Variants in DROSHA observed in about 807,000 individuals in gnomAD.
DROSHA encodes the protein drosha ribonuclease III, also known as ribonuclease 3.
Under a neutral mutation model 181.9 loss-of-function variants are expected in DROSHA, and 56 were observed. The ratio of observed to expected loss-of-function variants is 0.31; its 90% CI spans 0.25 to 0.38. The LOEUF (loss-of-function observed/expected upper bound fraction) is 0.38, where lower values mean the gene tolerates loss of function less well. Ranked by LOEUF, DROSHA falls within the 10% of genes least tolerant of loss-of-function variation. DROSHA has a pLI of 1.00. For synonymous variants in DROSHA, 524 were observed against 591.2 expected, an observed-to-expected ratio of 0.89 and a Z score of 1.65; for missense variants, 1,218 against 1,743.5, an observed-to-expected ratio of 0.70 and a Z score of 5.37.
At chr5:31,525,329 CAAAAAAA>C (rs34043904) in intron 5 of DROSHA, among the ~76,000 whole-genome samples, 6 of 46,056 alleles carry the variant, frequency 1.3e-4, no homozygotes, top group East Asian at 8.8e-4. Context: ...GACTTCATCT[CAAAAAAA>C]AAAAAAAAAA....
chr5:31,449,332 G>A lies in DROSHA; in HGVS notation c.2770C>T (p.Gln924Ter). ...ACTTTTCTGTCTCCGTATTTGGGCTGCCGAATTCCACAGTTAGATAATGAA... is the reference window on the plus strand; with the variant it reads ...ACTTTTCTGTCTCCGTATTTGGGCTACCGAATTCCACAGTTAGATAATGAA... ...RNSLSNCGIR[Q>*]PKYGDRKVHH... Residue 924 changes from glutamine (Q) to a stop codon, truncating the protein, a stop_gained, in exon 22 of 36, where the codon CAG (glutamine) becomes TAG (stop). Transcript: ENST00000344624. LOFTEE classifies it high-confidence loss of function. 1 of 1,613,536 alleles carries A rather than the reference G, an allele frequency of 6.2e-7. No individual in the cohort carries two copies. Among genetic ancestry groups the A allele is most frequent in the Non-Finnish European group, 8.5e-7 (1 of 1,179,754 alleles).
intron 20 of DROSHA, among the ~76,000 whole-genome samples, chr5:31,452,766 A>C (rs1252913643): frequency 6.6e-6 from 1 of 152,234 alleles, no homozygotes; most frequent in Non-Finnish European, 1.5e-5. Flanking sequence ...TTGCCAGTTC[A>C]ATTCAGTAAG....
chr5:31,463,772 A>G (rs1045062807), intron 20 of DROSHA, among the ~76,000 whole-genome samples: 2 of 152,208 alleles, frequency 1.3e-5, no homozygotes, highest in Non-Finnish European at 2.9e-5. Context: ...TGAAGTATAC[A>G]CTGATTCTGT....
At chr5:31,497,189 C>T (rs1289562818) in intron 11 of DROSHA, among the ~76,000 whole-genome samples, 3 of 147,706 alleles carry the variant, frequency 2.0e-5, no homozygotes, top group South Asian at 2.3e-4. Context: ...GGAGAAGCTG[C>T]GCAGTCCCAT....
chr5:31,407,976 T>TC (rs1212824657), intron 33 of DROSHA, among the ~76,000 whole-genome samples: 1 of 152,130 alleles, frequency 6.6e-6, no homozygotes, highest in Non-Finnish European at 1.5e-5. Flanking sequence ...GGGGCTTTTT[T>TC]CCCCCAATAA....
chr5:31,445,447 G>A (rs771337717), intron 23 of DROSHA, among the ~76,000 whole-genome samples: 4 of 152,220 alleles, frequency 2.6e-5, no homozygotes, highest in South Asian at 2.1e-4. Context: ...TTTCCAACTC[G>A]TTATATGAGG....
At chr5:31,476,611 T>C (rs1400596636) in intron 16 of DROSHA, among the ~76,000 whole-genome samples, 1 of 152,148 alleles carries the variant, frequency 6.6e-6, no homozygotes, top group Non-Finnish European at 1.5e-5. Context: ...GAGATTTTAT[T>C]TACCACTGTA....
intron 20 of DROSHA, among the ~76,000 whole-genome samples, chr5:31,453,610 C>A (rs1042576963): frequency 1.3e-5 from 2 of 152,186 alleles, no homozygotes; most frequent in African/African-American, 4.8e-5. Flanking sequence ...AGGCTTTCCA[C>A]ATCTTGTTTT....
At chr5:31,405,764 A>ATTAT in intron 34 of DROSHA, 41 bp from the exon 35 acceptor site, 5 of 544,920 alleles carry the variant, frequency 9.2e-6, no homozygotes, top group Non-Finnish European at 1.4e-5. Flanking sequence ...TAATTTCAAG[A>ATTAT]TTCTTTTTTT....
intron 11 of DROSHA, among the ~76,000 whole-genome samples, chr5:31,496,846 T>C (rs1753043855): frequency 6.6e-6 from 1 of 152,266 alleles, no homozygotes; most frequent in South Asian, 2.1e-4. Flanking sequence ...CAGTGACAAC[T>C]TTCTCACTGA....
chr5:31,471,780 T>C (rs1749758421), intron 17 of DROSHA, among the ~76,000 whole-genome samples: 1 of 152,178 alleles, frequency 6.6e-6, no homozygotes, highest in African/African-American at 2.4e-5. Context: ...AGAGTACAAA[T>C]TTTACAGCCC....
chr5:31,467,720 A>T (rs1749244090), intron 18 of DROSHA: 2 of 429,356 alleles, frequency 4.7e-6, no homozygotes, highest in African/African-American at 2.0e-5. Flanking sequence ...TGCCAAAAAT[A>T]TTCTATTGAA....
rs1741031437 is a variant in DROSHA, at chr5:31,529,735, A to C, written c.-46-630T>G. 2.1e-5 allele frequency among the ~76,000 whole-genome samples: 2 copies of C among 95,862 alleles called. 1 individual carries two copies. Among genetic ancestry groups the C allele is most frequent in the African/African-American group, 8.7e-5 (2 of 23,032 alleles). 62.9% of individuals were successfully genotyped at this position (95,862 alleles called of 152,430 possible). A position where few individuals can be genotyped will look rare whatever the true frequency, so the allele number is the denominator to read the frequency against. ...GGGCGACAGTCTCAAAAAAACAAAC[A>C]AAAAAAAAAAAACAAAAAAAAAAAC... is the stretch of plus-strand genomic sequence containing the variant. On this transcript the variant is annotated intron_variant, in intron 3 of 35. Transcript: ENST00000344624.
chr5:31,453,412 G>T lies in DROSHA; in HGVS notation c.2575-1772C>A, dbSNP rs183840833. On this transcript the variant is annotated intron_variant, in intron 20 of 35. Coordinates refer to ENST00000344624, the MANE Select transcript of DROSHA (RefSeq NM_001382508.1). ...AAATGAGGTTTCGCCATGTTGCCCA[G>T]GTTGGTCTTAAACTCCTGGGCTCAA... is the stretch of plus-strand genomic sequence containing the variant. Among the ~76,000 whole-genome samples, 376 of 152,218 alleles carry T rather than the reference G, an allele frequency of 2.5e-3. 1 individual carries two copies. Among genetic ancestry groups the T allele is most frequent in the African/African-American group, 8.7e-3 (361 of 41,540 alleles).
intron 8 of DROSHA, among the ~76,000 whole-genome samples, chr5:31,511,556 A>G (rs1013329057): frequency 6.6e-6 from 1 of 152,096 alleles, no homozygotes; most frequent in African/African-American, 2.4e-5. Context: ...AAAGAAAAAA[A>G]TTAGCCAGGT....
At chr5:31,441,152 T>C (rs2150008515) in intron 23 of DROSHA, among the ~76,000 whole-genome samples, 1 of 150,642 alleles carries the variant, frequency 6.6e-6, no homozygotes, top group African/African-American at 2.4e-5. Context: ...CAGGTGTGGC[T>C]CATGCCTGTA....
chr5:31,438,455 C>T (rs1045180449), intron 23 of DROSHA, among the ~76,000 whole-genome samples: 6 of 152,020 alleles, frequency 3.9e-5, no homozygotes, highest in Admixed American at 1.3e-4. Flanking sequence ...TGATAGCTGG[C>T]GCTGGGATTT....
At chr5:31,485,642 A>AAAAAC (rs1367125534) in intron 14 of DROSHA, among the ~76,000 whole-genome samples, 1 of 148,284 alleles carries the variant, frequency 6.7e-6, no homozygotes, top group Non-Finnish European at 1.5e-5. Context: ...AGTTAAAAAA[A>AAAAAC]AAAAAAAACC....
chr5:31,492,860 G>C (rs1258300258), intron 13 of DROSHA, among the ~76,000 whole-genome samples: 1 of 152,148 alleles, frequency 6.6e-6, no homozygotes, highest in Non-Finnish European at 1.5e-5. Context: ...ACTAAACAAT[G>C]GCTTCTCCTT....
Sources: gnomAD v4.1 joint callset for allele counts (sites outside exome capture counted in the v4.1 genomes callset) on GRCh38, gnomAD v4.1.1 for gene constraint, MANE v1.5 for transcripts, NCBI Gene and HGNC (gene_info 2026-07-23, HGNC 2026-07-21) for gene names.